MSMO1: variants seen among roughly 807,000 people sequenced by gnomAD.
The protein encoded by MSMO1 is methylsterol monooxygenase 1.
In MSMO1, 18 loss-of-function variants were observed where a neutral mutation model predicts 30.4. That is an observed-to-expected ratio of 0.59 (90% confidence interval 0.41 to 0.88). The LOEUF is 0.88. MSMO1 is among the 40% of genes least tolerant of loss of function. MSMO1 has a pLI of 0.00. For synonymous variants in MSMO1, 84 were observed against 107.9 expected (o/e 0.78, Z 1.37); for missense variants, 284 against 340.5 (o/e 0.83, Z 1.31).
intron 5 of MSMO1, among the ~76,000 whole-genome samples, chr4:165,340,978 A>G (rs1747699964): frequency 6.6e-6 from 1 of 152,152 alleles, no homozygotes; most frequent in East Asian, 1.9e-4. Context: ...AGCAAAATTA[A>G]TGCTTCTAGT....
At chr4:165,340,428 C>T in intron 5 of MSMO1, 53 bp downstream of exon 5, 1 of 1,437,680 alleles carries the variant, frequency 7.0e-7, no homozygotes, top group Non-Finnish European at 9.8e-7. Flanking sequence ...TATTTATTTT[C>T]ATGGCCATAA....
chr4:165,337,193 G>T (rs956572985), intron 2 of MSMO1, among the ~76,000 whole-genome samples: 5 of 152,054 alleles, frequency 3.3e-5, no homozygotes, highest in Non-Finnish European at 7.4e-5. Flanking sequence ...TAAGCAAATG[G>T]GTATCCTGAT....
rs757345171 is a variant in MSMO1, at chr4:165,333,487, T to C, written c.117T>C (p.Tyr39=). ...LQEPFKNAWN[Y]MLNNYTKFQI... is the part of the protein sequence containing the mutation. ...AACCATTTAAAAATGCTTGGAACTA[T>C]ATGTTGAATAATTATACAAAGTTCC... The change falls in exon 2 of 6, where the codon TAT becomes TAC. Residue 39 remains tyrosine (Y), a synonymous_variant. Coordinates refer to ENST00000261507, the MANE Select transcript of MSMO1 (RefSeq NM_006745.5). The C allele has an allele frequency of 1.9e-6, 3 of 1,613,608 alleles. No homozygotes were observed. The highest frequency in any genetic ancestry group is 1.1e-5 in the South Asian group (1 of 91,010).
At chr4:165,338,413 T>A (rs1449848358) in intron 3 of MSMO1, among the ~76,000 whole-genome samples, 3 of 151,818 alleles carry the variant, frequency 2.0e-5, no homozygotes, top group African/African-American at 7.3e-5. Context: ...ATGAGGCAAG[T>A]TGTGTGAACA....
Position 165,340,246 on chromosome 4 carries a change from A to G in MSMO1, c.557A>G (p.Tyr186Cys). The G allele has an allele frequency of 1.2e-6, 2 of 1,613,924 alleles. No homozygotes were observed. Among genetic ancestry groups the G allele is most frequent in the Non-Finnish European group, 1.7e-6 (2 of 1,179,942 alleles). ...GCTCCATTTGGAATGGAAGCTGAAT[A>G]TGCACATCCTTTGGAGACTCTAATT... is the stretch of plus-strand genomic sequence containing the variant. The part of the protein sequence containing the change: ...FQAPFGMEAE[Y>C]AHPLETLILG... Residue 186 changes from tyrosine (Y) to cysteine (C), a missense_variant, in exon 5 of 6, where the codon TAT becomes TGT. Coordinates refer to ENST00000261507, the MANE Select transcript of MSMO1 (RefSeq NM_006745.5).
chr4:165,339,096 C>CTTGTTTTTTTTT (rs1747643025), intron 4 of MSMO1, among the ~76,000 whole-genome samples: 1 of 60,508 alleles, frequency 1.7e-5, no homozygotes, highest in Non-Finnish European at 2.7e-5. Flanking sequence ...ATGAGCACTG[C>CTTGTTTTTTTTT]TTTTTTTTTT....
chr4:165,330,166 A>G (rs1372106226), intron 1 of MSMO1, among the ~76,000 whole-genome samples: 1 of 152,222 alleles, frequency 6.6e-6, no homozygotes, highest in Non-Finnish European at 1.5e-5. Flanking sequence ...TTCCCCACTT[A>G]GCATTTGTTA....
At chr4:165,329,784 G>A (rs903656077) in intron 1 of MSMO1, among the ~76,000 whole-genome samples, 2 of 151,808 alleles carry the variant, frequency 1.3e-5, no homozygotes, top group Non-Finnish European at 2.9e-5. Context: ...ACAGGCATAC[G>A]CCACCACACC....
Position 165,342,079 on chromosome 4 carries a change from T to C in MSMO1, c.*133T>C. ...GTGATAAAAAGAACATTAACAACCT[T>C]TAATTACCTTCCTAGTGGGAACTTT... On this transcript the variant is annotated 3_prime_UTR_variant, in exon 6 of 6. Transcript: ENST00000261507. 1 of 742,100 alleles carries C rather than the reference T, an allele frequency of 1.3e-6. No individual in the cohort carries two copies. Among genetic ancestry groups the C allele is most frequent in the Non-Finnish European group, 2.2e-6 (1 of 447,068 alleles). 46.0% of individuals were successfully genotyped at this position (742,100 alleles called of 1,614,324 possible). A position where few individuals can be genotyped will look rare whatever the true frequency, so the allele number is the denominator to read the frequency against.
Position 165,338,659 on chromosome 4 carries a change from C to G in MSMO1, c.412C>G (p.Leu138Val), listed in dbSNP as rs748547429. The G allele has an allele frequency of 1.2e-6, 2 of 1,609,464 alleles. No homozygotes were observed. The highest frequency in any genetic ancestry group is 1.7e-6 in the Non-Finnish European group (2 of 1,176,038). Residue 138 changes from leucine to valine, a missense_variant, in exon 4 of 6, where the codon CTT (leucine) becomes GTT (valine). By Grantham distance (32) the Leu-to-Val change is conservative. Transcript: ENST00000261507. Reference sequence around the variant, plus strand: ...AACATTTTTATCTTAAAGGTATTTTCTTTTGGCAAGATGCTTTGGTTGTGC... The same window carrying G: ...AACATTTTTATCTTAAAGGTATTTTGTTTTGGCAAGATGCTTTGGTTGTGC... Reference protein sequence around the residue: ...DWERMPRWYFLLARCFGCAVI... With the variant: ...DWERMPRWYFVLARCFGCAVI...
rs1273172497 is a variant in MSMO1 at position 165,340,342 on chromosome 4, C to T, written c.653C>T (p.Thr218Ile). The T allele has an allele frequency of 6.2e-7, 1 of 1,613,556 alleles. No homozygotes were observed. Among genetic ancestry groups the T allele is most frequent in the Non-Finnish European group, 8.5e-7 (1 of 1,179,800 alleles). ...DHVILLWAWV[T>I]IRLLETIDVH... ...GTAATTCTTCTTTGGGCATGGGTGA[C>T]CATTCGTTTATTAGAAACTATTGAT... is the stretch of plus-strand genomic sequence containing the variant. The change falls in exon 5 of 6, where the codon ACC (threonine) becomes ATC (isoleucine). Residue 218 changes from threonine (T) to isoleucine (I), a missense_variant. Physicochemically the swap from Thr to Ile is moderately conservative, Grantham distance 89. Coordinates refer to ENST00000261507, the MANE Select transcript of MSMO1 (RefSeq NM_006745.5).
intron 2 of MSMO1, among the ~76,000 whole-genome samples, chr4:165,337,133 C>G (rs1380743792): frequency 6.6e-6 from 1 of 152,136 alleles, no homozygotes; most frequent in Non-Finnish European, 1.5e-5. Context: ...AAATTGAATA[C>G]ATTTAGTTAG....
intron 5 of MSMO1, chr4:165,340,625 A>G: frequency 4.1e-6 from 2 of 485,622 alleles, no homozygotes; most frequent in Non-Finnish European, 7.3e-6. Context: ...CAATTTCCTT[A>G]TCCTTCTGTA....
Position 165,341,764 on chromosome 4 carries a change from C to T in MSMO1, c.700C>T (p.Pro234Ser), listed in dbSNP as rs1191326186. 7 of 1,610,268 alleles carry T rather than the reference C, an allele frequency of 4.3e-6. No homozygotes were observed. The highest frequency in any genetic ancestry group is 5.9e-6 in the Non-Finnish European group (7 of 1,176,664). Residue 234 changes from proline (P) to serine (S), a missense_variant, in exon 6 of 6, where the codon CCT becomes TCT. Transcript: ENST00000261507. ...TTTTTGTTTCAGTGGTTATGATATT[C>T]CTCTCAACCCTTTAAATCTGATCCC... is the stretch of plus-strand genomic sequence containing the variant. ...TIDVHSGYDI[P>S]LNPLNLIPFY...
At chr4:165,335,297 C>G (rs1747508426) in intron 2 of MSMO1, among the ~76,000 whole-genome samples, 1 of 152,120 alleles carries the variant, frequency 6.6e-6, no homozygotes, top group Admixed American at 6.6e-5. Context: ...TTAGTCCTCT[C>G]TGGGGATAAT....
rs1747632204 is a variant in MSMO1, at chr4:165,338,741, T to C, written c.494T>C (p.Ile165Thr). The change falls in exon 4 of 6, where the codon ATA (isoleucine) becomes ACA (threonine). Residue 165 changes from isoleucine (I) to threonine (T), a missense_variant. Transcript: ENST00000261507. Reference protein sequence around the residue: ...FLHRLLHHKRIYKYIHKVHHE... With the variant: ...FLHRLLHHKRTYKYIHKVHHE... Reference sequence around the variant, plus strand: ...CATAGACTCTTACACCACAAAAGAATATACAAGTATATTCATAAAGTTCAT... The same window carrying C: ...CATAGACTCTTACACCACAAAAGAACATACAAGTATATTCATAAAGTTCAT... 1 of 1,593,596 alleles carries C rather than the reference T, an allele frequency of 6.3e-7. No homozygotes were observed. Among genetic ancestry groups the C allele is most frequent in the African/African-American group, 1.3e-5 (1 of 74,452 alleles).
chr4:165,340,029 CATT>C (rs1420806636), intron 4 of MSMO1, among the ~76,000 whole-genome samples, 189 bp from the exon 5 acceptor site: 1 of 152,158 alleles, frequency 6.6e-6, no homozygotes, highest in Non-Finnish European at 1.5e-5. Flanking sequence ...AGCCCACCCT[CATT>C]ATGAAGGGTA....
At chr4:165,332,647 G>A (rs1010081765) in intron 1 of MSMO1, among the ~76,000 whole-genome samples, 4 of 152,150 alleles carry the variant, frequency 2.6e-5, no homozygotes, top group Admixed American at 6.5e-5. Flanking sequence ...ACATTAATAA[G>A]CTTTTAAAGA....
intron 1 of MSMO1, among the ~76,000 whole-genome samples, chr4:165,330,445 T>C (rs995225408): frequency 1.3e-5 from 2 of 152,118 alleles, no homozygotes; most frequent in Non-Finnish European, 2.9e-5. Context: ...CTTGGACTCA[T>C]TGGAAGACCT....
Sources: allele counts gnomAD v4.1 joint callset (sites outside exome capture counted in the v4.1 genomes callset), GRCh38; gene constraint gnomAD v4.1.1; transcripts MANE v1.5; gene names NCBI Gene and HGNC (gene_info 2026-07-23, HGNC 2026-07-21).